The following PDE12 variants were observed in gnomAD, a reference collection of about 807,000 sequenced individuals.
PDE12 encodes the protein phosphodiesterase 12, also known as 2',5'-phosphodiesterase 12.
A neutral mutation model predicts 45.4 loss-of-function variants in PDE12; 26 were observed. The observed-to-expected ratio is 0.57, with a 90% CI of 0.42 to 0.79. The LOEUF is 0.79. Among genes scored for constraint, PDE12 ranks in the 30% least tolerant of loss-of-function variants. PDE12 has a pLI of 0.00. For missense variants in PDE12, 668 were observed against 790.0 expected (o/e 0.85, Z 1.85); for synonymous variants, 283 against 323.9 (o/e 0.87, Z 1.36).
chr3:57,603,496 C>A, the PDE12 span, among the ~76,000 whole-genome samples: 2 of 151,896 alleles, frequency 1.3e-5, no homozygotes, highest in African/African-American at 4.8e-5. Context: ...AGCCACCACG[C>A]CTGGCTAATT....
In PDE12 at chr3:57,558,682, G is replaced by C. The variant is rs1006512854; in HGVS notation, c.1309-628G>C. On this transcript the variant is annotated intron_variant, in intron 1 of 2. Coordinates refer to ENST00000311180, the MANE Select transcript of PDE12 (RefSeq NM_177966.7). ...ATTTTTTTAGTAGAGACGGGGTTTG[G>C]GGTTTCACCATGTTAGCCAGGATGG... Among the ~76,000 whole-genome samples the C allele has an allele frequency of 1.1e-4, 17 of 149,394 alleles. No individual in the cohort carries two copies. The South Asian group carries it at 3.4e-3, about 30-fold the overall frequency.
the PDE12 span, among the ~76,000 whole-genome samples, chr3:57,598,469 T>A: frequency 6.6e-6 from 1 of 152,122 alleles, no homozygotes; most frequent in African/African-American, 2.4e-5. Context: ...TTCTTAGGAG[T>A]GGCCCTGGGC....
chr3:57,625,196 C>T, the PDE12 span, among the ~76,000 whole-genome samples: 2 of 152,210 alleles, frequency 1.3e-5, no homozygotes, highest in Non-Finnish European at 2.9e-5. Flanking sequence ...TGAGCCACCA[C>T]ATACGACCAA....
At chr3:57,654,676 TTC>T in the PDE12 span, 1 of 985,094 alleles carries the variant, frequency 1.0e-6, no homozygotes, top group Non-Finnish European at 1.2e-6. Flanking sequence ...AGGAAACTAT[TTC>T]TGTGATCAAG....
the PDE12 span, among the ~76,000 whole-genome samples, chr3:57,619,772 C>T: frequency 6.6e-6 from 1 of 151,962 alleles, no homozygotes; most frequent in Non-Finnish European, 1.5e-5. Flanking sequence ...GTTGCTTAAA[C>T]CCGGGAGGCA....
chr3:57,641,188 T>C, the PDE12 span, among the ~76,000 whole-genome samples: 832 of 144,658 alleles, frequency 5.8e-3, 28 homozygotes, highest in Admixed American at 0.047. Flanking sequence ...AAATATATAT[T>C]TATATATATT....
the PDE12 span, among the ~76,000 whole-genome samples, chr3:57,575,970 G>A: frequency 6.6e-6 from 1 of 152,168 alleles, no homozygotes; most frequent in Non-Finnish European, 1.5e-5. Context: ...TGTCAGGACT[G>A]ATAAGGGCAA....
chr3:57,618,624 T>TTTTTTGGGGATGGAG, the PDE12 span, among the ~76,000 whole-genome samples: 1 of 140,976 alleles, frequency 7.1e-6, no homozygotes, highest in East Asian at 2.4e-4. Flanking sequence ...TTTTTTTTTT[T>TTTTTTGGGGATGGAG]TTTGAGATGG....
At chr3:57,654,861 T>TA in the PDE12 span, 1 of 868,892 alleles carries the variant, frequency 1.2e-6, no homozygotes, top group South Asian at 5.3e-5. Context: ...ACTGGATAAA[T>TA]ATGTAAACTT....
chr3:57,607,668 A>G, the PDE12 span, among the ~76,000 whole-genome samples: 6 of 152,218 alleles, frequency 3.9e-5, no homozygotes, highest in African/African-American at 1.4e-4. Context: ...AATGAAATGA[A>G]TCAAGAAGTT....
At chr3:57,651,938 G>A in the PDE12 span, among the ~76,000 whole-genome samples, 3 of 152,242 alleles carry the variant, frequency 2.0e-5, no homozygotes, top group Admixed American at 1.3e-4. Flanking sequence ...GCTGTGCATG[G>A]TGGCTCACTC....
At chr3:57,601,008 G>A in the PDE12 span, 2 of 152,172 alleles carry the variant, frequency 1.3e-5, no homozygotes, top group South Asian at 2.1e-4. Flanking sequence ...GCTAAGCCAT[G>A]TACTTCATTT....
chr3:57,557,075 G>A lies in PDE12; in HGVS notation c.696G>A (p.Glu232=). The A allele has an allele frequency of 6.2e-7, 1 of 1,614,060 alleles. No individual in the cohort carries two copies. Among genetic ancestry groups the A allele is most frequent in the Non-Finnish European group, 8.5e-7 (1 of 1,180,028 alleles). ...SSSWTETDVE[E]RVYTPSNADI... ...CTTGGACTGAGACTGATGTGGAGGA[G>A]CGTGTCTACACCCCGTCCAATGCCG... Residue 232 remains glutamate, a synonymous_variant, in exon 1 of 3, where the codon GAG becomes GAA. Coordinates refer to ENST00000311180, the MANE Select transcript of PDE12 (RefSeq NM_177966.7).
the PDE12 span, among the ~76,000 whole-genome samples, chr3:57,576,991 G>A: frequency 6.6e-6 from 1 of 151,638 alleles, no homozygotes; most frequent in Admixed American, 6.6e-5. Flanking sequence ...GTAAAGTAAG[G>A]GACTGAGCTA....
At chr3:57,573,148 G>A in the PDE12 span, among the ~76,000 whole-genome samples, 3 of 150,510 alleles carry the variant, frequency 2.0e-5, no homozygotes, top group African/African-American at 7.3e-5. Flanking sequence ...CTTGCAGTGA[G>A]CCGAGATCGT....
At position 57,558,488 on chromosome 3, in the gene PDE12, C is replaced by CTATTAT. The variant is rs10662542; in HGVS notation, c.1309-805_1309-800dup. On this transcript the variant is annotated intron_variant, in intron 1 of 2. Transcript: ENST00000311180. ...TATATTACTAGCTTTATATATTGGA[C>CTATTAT]TATTATTATTATTATTATTATTTTG... 4.6e-3 allele frequency among the ~76,000 whole-genome samples: 702 copies of CTATTAT among 151,264 alleles called. 2 individuals carry two copies. Among genetic ancestry groups the CTATTAT allele is most frequent in the African/African-American group, 0.015 (627 of 41,042 alleles).
the PDE12 span, among the ~76,000 whole-genome samples, chr3:57,604,616 T>TGGGGG: frequency 9.7e-5 from 1 of 10,286 alleles, no homozygotes; most frequent in African/African-American, 2.0e-4. Context: ...TTTTTTTTTT[T>TGGGGG]TGGGGGGGGT....
chr3:57,579,114 C>G, the PDE12 span, among the ~76,000 whole-genome samples: 1 of 151,596 alleles, frequency 6.6e-6, no homozygotes, highest in African/African-American at 2.4e-5. Flanking sequence ...CTGGTGAAAC[C>G]CCATCTCTAC....
At chr3:57,587,797 A>C in the PDE12 span, among the ~76,000 whole-genome samples, 1 of 152,234 alleles carries the variant, frequency 6.6e-6, no homozygotes, top group Admixed American at 6.5e-5. Flanking sequence ...AAGTATCCAC[A>C]AATTATTTTC....
Sources: gnomAD v4.1 joint callset for allele counts (sites outside exome capture counted in the v4.1 genomes callset) on GRCh38, gnomAD v4.1.1 for gene constraint, MANE v1.5 for transcripts, NCBI Gene and HGNC (gene_info 2026-07-23, HGNC 2026-07-21) for gene names.